Variants in SDC4 observed in about 807,000 individuals in gnomAD.
The protein encoded by SDC4 is syndecan-4.
In SDC4, 17 loss-of-function variants were observed where a neutral mutation model predicts 20.5. That is an observed-to-expected ratio of 0.83 (90% CI 0.57 to 1.25). SDC4 has a LOEUF of 1.25. Among genes scored for constraint, SDC4 ranks in the 50% most tolerant of loss-of-function variants. SDC4 has a pLI of 0.00. For synonymous variants in SDC4, 107 were observed against 105.3 expected (o/e 1.02, Z -0.10); for missense variants, 241 against 252.3 (o/e 0.96, Z 0.30).
At chr20:45,343,735 C>T (rs1057163523) in intron 1 of SDC4, among the ~76,000 whole-genome samples, 1 of 152,194 alleles carries the variant, frequency 6.6e-6, no homozygotes, top group Non-Finnish European at 1.5e-5. Flanking sequence ...GGCTCAGAAT[C>T]TTCAGAGATA....
chr20:45,333,198 C>A (rs1354034034), intron 2 of SDC4, 129 bp from the exon 3 acceptor site: 3 of 795,290 alleles, frequency 3.8e-6, no homozygotes, highest in Admixed American at 2.0e-5. Flanking sequence ...AGCGAGCTTC[C>A]CCACCCCTAC....
chr20:45,331,732 C>A (rs1253232216), intron 3 of SDC4, among the ~76,000 whole-genome samples: 1 of 152,154 alleles, frequency 6.6e-6, no homozygotes, highest in Non-Finnish European at 1.5e-5. Flanking sequence ...TTTACAAATG[C>A]CCTGGCAAAG....
intron 2 of SDC4, among the ~76,000 whole-genome samples, chr20:45,333,768 A>G (rs1987817592): frequency 6.6e-6 from 1 of 152,170 alleles, no homozygotes; most frequent in South Asian, 2.1e-4. Flanking sequence ...TTCCATTACA[A>G]TGCTTAAAGA....
rs750618412 is a variant in SDC4 at position 45,348,404 on chromosome 20, G to A, written c.-20C>T. 251 of 1,542,160 alleles carry A rather than the reference G, an allele frequency of 1.6e-4. No individual in the cohort carries two copies. Among genetic ancestry groups the A allele is most frequent in the Admixed American group, 4.7e-4 (24 of 51,276 alleles). On this transcript the variant is annotated 5_prime_UTR_variant, in exon 1 of 5. Transcript: ENST00000372733. ...GGCCATGGCACCGCGGACTGGAGAA[G>A]GCGCGCAGGCTGCGGCGAGTGGCCC...
At chr20:45,344,008 T>A (rs1490855969) in intron 1 of SDC4, among the ~76,000 whole-genome samples, 1 of 152,334 alleles carries the variant, frequency 6.6e-6, no homozygotes, top group African/African-American at 2.4e-5. Context: ...AGCCAATGTT[T>A]CAATGCCCTC....
chr20:45,333,672 AAAAT>A (rs566715677), intron 2 of SDC4, among the ~76,000 whole-genome samples: 7 of 152,318 alleles, frequency 4.6e-5, no homozygotes, highest in Admixed American at 1.3e-4. Flanking sequence ...CCGTCTCAAA[AAAAT>A]AAATAAATAA....
At position 45,333,945 on chromosome 20, in the gene SDC4, T is replaced by TA. The variant is rs201883299; in HGVS notation, c.200-877dup. Among the ~76,000 whole-genome samples the TA allele has an allele frequency of 1.6e-3, 180 of 110,282 alleles. 1 individual carries two copies. The highest frequency in any genetic ancestry group is 4.6e-3 in the African/African-American group (156 of 33,680). The allele number at this position is 110,282 out of a possible 152,430, so 72.3% of individuals were successfully genotyped here. On this transcript the variant is annotated intron_variant, in intron 2 of 4. Coordinates refer to ENST00000372733, the MANE Select transcript of SDC4 (RefSeq NM_002999.4). ...AAAAGAGTAAAAATAATTCATTGGT[T>TA]AAAAAAAAAAGAAGAAGAAATGTAG...
intron 1 of SDC4, among the ~76,000 whole-genome samples, chr20:45,339,294 C>T (rs6032125): frequency 1.3e-5 from 2 of 152,348 alleles, no homozygotes; most frequent in East Asian, 3.9e-4. Context: ...CAGAGATGGA[C>T]CCCGCCCTGC....
At chr20:45,332,996 A>C in intron 3 of SDC4, 27 bp downstream of exon 3, 1 of 1,610,610 alleles carries the variant, frequency 6.2e-7, no homozygotes, top group Non-Finnish European at 8.5e-7. Flanking sequence ...AGCAAAGTGG[A>C]AGAGGCAGAA....
intron 2 of SDC4, among the ~76,000 whole-genome samples, chr20:45,334,681 G>T (rs1987834387): frequency 6.6e-6 from 1 of 151,622 alleles, no homozygotes; most frequent in African/African-American, 2.4e-5. Flanking sequence ...TAGAGACGGG[G>T]TTTCACCATG....
chr20:45,341,458 G>A (rs1453131941), intron 1 of SDC4, among the ~76,000 whole-genome samples: 1 of 152,222 alleles, frequency 6.6e-6, no homozygotes, highest in Non-Finnish European at 1.5e-5. Context: ...TAAGCAGACA[G>A]AGGTAAAGAC....
rs939899235 is a variant in SDC4 at position 45,325,739 on chromosome 20, G to A, written c.*1525C>T. The A allele has an allele frequency of 7.1e-6, 1 of 140,496 alleles. No homozygotes were observed. Among genetic ancestry groups the A allele is most frequent in the African/African-American group, 3.2e-5 (1 of 30,818 alleles). 8.7% of individuals were successfully genotyped at this position (140,496 alleles called of 1,614,324 possible). ...CTGTCCAACAGATGGACATGCTCTC[G>A]CTGTCAGTACAGTAGCCATGAACTA... On this transcript the variant is annotated 3_prime_UTR_variant, in exon 5 of 5. Coordinates refer to ENST00000372733, the MANE Select transcript of SDC4 (RefSeq NM_002999.4).
chr20:45,335,184 CTTTTT>C (rs1164166662), intron 2 of SDC4, among the ~76,000 whole-genome samples: 1 of 149,478 alleles, frequency 6.7e-6, no homozygotes, highest in East Asian at 2.0e-4. Context: ...GCTACTTTTC[CTTTTT>C]TGTTTTGAGA....
intron 1 of SDC4, among the ~76,000 whole-genome samples, chr20:45,344,249 G>A (rs1987998020): frequency 6.6e-6 from 1 of 152,162 alleles, no homozygotes; most frequent in Non-Finnish European, 1.5e-5. Context: ...CAGGCAAGGG[G>A]CTGTGAAAGT....
chr20:45,341,891 G>T (rs1342484041), intron 1 of SDC4, among the ~76,000 whole-genome samples: 1 of 152,172 alleles, frequency 6.6e-6, no homozygotes, highest in Non-Finnish European at 1.5e-5. Flanking sequence ...CTAACTCCCT[G>T]GATGATCGTG....
intron 3 of SDC4, among the ~76,000 whole-genome samples, chr20:45,332,760 A>C (rs1987797717): frequency 6.6e-6 from 1 of 151,866 alleles, no homozygotes; most frequent in South Asian, 2.1e-4. Flanking sequence ...ACACCTGGCT[A>C]ATTTTTGTAT....
At chr20:45,332,220 A>C (rs963835117) in intron 3 of SDC4, among the ~76,000 whole-genome samples, 1 of 150,606 alleles carries the variant, frequency 6.6e-6, no homozygotes, top group Non-Finnish European at 1.5e-5. Flanking sequence ...CAATGGTGCA[A>C]TCTCTGCCCA....
chr20:45,339,597 A>T (rs1030635430), intron 1 of SDC4, among the ~76,000 whole-genome samples: 2 of 152,126 alleles, frequency 1.3e-5, no homozygotes, highest in African/African-American at 4.8e-5. Flanking sequence ...AAAATTAGCC[A>T]AATGTGGTTG....
At chr20:45,340,632 A>G (rs1987940946) in intron 1 of SDC4, among the ~76,000 whole-genome samples, 1 of 152,248 alleles carries the variant, frequency 6.6e-6, no homozygotes. Flanking sequence ...GTTCAGGGTC[A>G]GGGCTTGGAT....
Sources: gnomAD v4.1 joint callset for allele counts (sites outside exome capture counted in the v4.1 genomes callset) on GRCh38, gnomAD v4.1.1 for gene constraint, MANE v1.5 for transcripts, NCBI Gene and HGNC (gene_info 2026-07-23, HGNC 2026-07-21) for gene names.